Variants in PLTP observed in about 807,000 individuals in gnomAD.
PLTP encodes phospholipid transfer protein.
In PLTP, 43 loss-of-function variants were observed where a neutral mutation model predicts 54.1. That is an observed-to-expected ratio of 0.79 (90% CI 0.62 to 1.02). The LOEUF (loss-of-function observed/expected upper bound fraction) is 1.02, where lower values mean the gene tolerates loss of function less well. PLTP is among the 50% of genes least tolerant of loss of function. The probability of loss-of-function intolerance (pLI) is 0.00; values close to 1 mark genes in which losing one functional copy is unlikely to be tolerated. For synonymous variants in PLTP, 263 were observed against 264.6 expected (o/e 0.99, Z 0.06); for missense variants, 604 against 645.9 (o/e 0.94, Z 0.70).
rs774187977 is a variant in PLTP, at chr20:45,911,135, C to A, written c.200+17G>T. ...CGAGGCCCCGCCCCGGATCGCGAGG[C>A]CCCGCCCCCCACTTACTCAGAGATG... On this transcript the variant is annotated intron_variant, in intron 3 of 15. Transcript: ENST00000372431. 1 of 1,612,688 alleles carries A rather than the reference C, an allele frequency of 6.2e-7. No homozygotes were observed. Among genetic ancestry groups the A allele is most frequent in the Non-Finnish European group, 8.5e-7 (1 of 1,178,770 alleles).
intron 15 of PLTP, 139 bp from the exon 16 acceptor site, chr20:45,899,202 A>G (rs539830038): frequency 3.1e-6 from 4 of 1,297,834 alleles, no homozygotes; most frequent in East Asian, 2.3e-5. Context: ...ATGAGGCTGT[A>G]GGAGTGTAGA....
At chr20:45,904,704 C>G in intron 10 of PLTP, 96 bp downstream of exon 10, 1 of 1,114,028 alleles carries the variant, frequency 9.0e-7, no homozygotes, top group South Asian at 1.2e-5. Flanking sequence ...AGGCCAGGGC[C>G]CTGTCTGCGT....
At chr20:45,902,406 C>A in intron 11 of PLTP, 34 bp downstream of exon 11, 1 of 1,614,122 alleles carries the variant, frequency 6.2e-7, no homozygotes, top group South Asian at 1.1e-5. Flanking sequence ...TTTCCCTGAC[C>A]CCCAGCCAGC....
chr20:45,906,320 G>C lies in PLTP; in HGVS notation c.653C>G (p.Ser218Cys). Residue 218 changes from serine to cysteine, a missense_variant, in exon 8 of 16, where the codon TCC (serine) becomes TGC (cysteine). Physicochemically the swap from Ser to Cys is moderately radical, Grantham distance 112 (BLOSUM62 -1). Coordinates refer to ENST00000372431, the MANE Select transcript of PLTP (RefSeq NM_006227.4). The part of the protein sequence containing the change: ...SVDELVGIDY[S>C]LMKDPVASTS... ...GGAAGCCACAGGATCCTTCATGAGG[G>C]AATAGTCAATGCCAACAAGCTCGTC... The C allele has an allele frequency of 1.9e-6, 3 of 1,614,066 alleles. No individual in the cohort carries two copies. Among genetic ancestry groups the C allele is most frequent in the Non-Finnish European group, 2.5e-6 (3 of 1,179,962 alleles).
intron 3 of PLTP, among the ~76,000 whole-genome samples, 178 bp from the exon 4 acceptor site, chr20:45,910,248 G>C (rs2083277769): frequency 6.6e-6 from 1 of 152,150 alleles, no homozygotes. Context: ...AGTTGAACTT[G>C]GGTGGCTGAG....
chr20:45,910,616 G>GAA (rs546481587), intron 3 of PLTP, among the ~76,000 whole-genome samples: 3 of 102,410 alleles, frequency 2.9e-5, no homozygotes, highest in Non-Finnish European at 2.1e-5. Flanking sequence ...CTCCCTCTCA[G>GAA]AAAAAAAAAA....
intron 10 of PLTP, among the ~76,000 whole-genome samples, chr20:45,904,272 T>C (rs2083215761): frequency 2.0e-5 from 3 of 152,184 alleles, no homozygotes; most frequent in Admixed American, 1.3e-4. Flanking sequence ...AAGGACAGCC[T>C]GAGCAACATA....
At chr20:45,904,514 C>T (rs544321835) in intron 10 of PLTP, among the ~76,000 whole-genome samples, 1 of 152,296 alleles carries the variant, frequency 6.6e-6, no homozygotes, top group East Asian at 1.9e-4. Context: ...CCCCAATACA[C>T]AAATAAACAA....
Position 45,911,438 on chromosome 20 carries a change from C to T in PLTP, c.15G>A (p.Gly5=). 1.2e-6 allele frequency: 2 copies of T among 1,605,216 alleles called. No individual in the cohort carries two copies. Residue 5 remains glycine (G), a synonymous_variant, in exon 2 of 16, where the codon GGG becomes GGA. Transcript: ENST00000372431. MALF[G]ALFLALLAGA... The stretch of plus-strand genomic sequence containing the variant: ...CTGCCAGCAGCGCTAGGAAGAGGGC[C>T]CCGAAGAGGGCCATGGCGAGCGGGC...
chr20:45,910,077 G>A lies in PLTP; in HGVS notation c.201-7C>T. The A allele has an allele frequency of 1.2e-6, 2 of 1,613,710 alleles. No individual in the cohort carries two copies. Among genetic ancestry groups the A allele is most frequent in the Middle Eastern group, 1.6e-4 (1 of 6,062 alleles). ...CAGCTCTGTGACCTTCACCCTACAG[G>A]AGGCCTCAGGGTCAGATCCAGGGCC... On this transcript the variant is annotated splice_region_variant and splice_polypyrimidine_tract_variant and intron_variant, in intron 3 of 15. Transcript: ENST00000372431.
In PLTP at chr20:45,907,504, T is replaced by C. The variant is rs182076813; in HGVS notation, c.613+188A>G. Among the ~76,000 whole-genome samples the C allele has an allele frequency of 7.9e-5, 12 of 152,282 alleles. 1 individual carries two copies. In the South Asian group the frequency reaches 1.7e-3, roughly 21 times the overall value. ...TCACAGCAACCCCAGGAGGAGGCACTGCCAGCCAAGTGAGGAAACAAGCAC... is the reference window on the plus strand; with the variant it reads ...TCACAGCAACCCCAGGAGGAGGCACCGCCAGCCAAGTGAGGAAACAAGCAC... On this transcript the variant is annotated intron_variant, in intron 7 of 15. Coordinates refer to ENST00000372431, the MANE Select transcript of PLTP (RefSeq NM_006227.4).
At chr20:45,905,210 T>G in intron 8 of PLTP, 92 bp from the exon 9 acceptor site, 1 of 1,148,962 alleles carries the variant, frequency 8.7e-7, no homozygotes, top group Non-Finnish European at 1.3e-6. Flanking sequence ...CTAGGCACTG[T>G]GGGGGGATGG....
rs147994091 is a variant in PLTP at position 45,907,699 on chromosome 20, G to A, written c.606C>T (p.Thr202=). The A allele has an allele frequency of 3.3e-5, 54 of 1,613,582 alleles. No homozygotes were observed. The highest frequency in any genetic ancestry group is 8.0e-5 in the African/African-American group (6 of 74,918). Residue 202 remains threonine, a synonymous_variant, in exon 7 of 16, where the codon ACC becomes ACT. Coordinates refer to ENST00000372431, the MANE Select transcript of PLTP (RefSeq NM_006227.4). ...GTVLLNSLLD[T]VPVRSSVDEL... ...CACCCGCCACCAACTCACCAGGCAC[G>A]GTGTCCAGGAGGGAGTTGAGCAGGA...
Position 45,909,594 on chromosome 20 carries a change from G to T in PLTP, c.407C>A (p.Ala136Asp). The change falls in exon 5 of 16, where the codon GCT (alanine) becomes GAT (aspartate). Residue 136 changes from alanine (A) to aspartate (D), a missense_variant. Ala to Asp is a moderately radical substitution (Grantham distance 126). Coordinates refer to ENST00000372431, the MANE Select transcript of PLTP (RefSeq NM_006227.4). ...GACATTGGACACTTTCATCCGTCCA[G>T]CGGGATCCCGGGAGAGCTCCAGACC... ...RTGLELSRDP[A>D]GRMKVSNVSC... The T allele has an allele frequency of 6.2e-7, 1 of 1,614,180 alleles. No individual in the cohort carries two copies. Among genetic ancestry groups the T allele is most frequent in the South Asian group, 1.1e-5 (1 of 91,082 alleles).
intron 10 of PLTP, 43 bp downstream of exon 10, chr20:45,904,757 C>T: frequency 6.3e-7 from 1 of 1,597,466 alleles, no homozygotes; most frequent in Non-Finnish European, 8.6e-7. Flanking sequence ...CTTGGTCTCA[C>T]TGGTGTGCAG....
At chr20:45,902,378 A>G (rs1224800240) in intron 11 of PLTP, 44 bp from the exon 12 acceptor site, 1 of 1,613,910 alleles carries the variant, frequency 6.2e-7, no homozygotes. Context: ...CCAGAAGGTC[A>G]GTAACCCACA....
At position 45,899,445 on chromosome 20, in the gene PLTP, A is replaced by C; in HGVS notation, c.1359+17T>G. 1 of 1,613,568 alleles carries C rather than the reference A, an allele frequency of 6.2e-7. No individual in the cohort carries two copies. ...AGGGGAAGGCCCTCCCTCCTTCCCC[A>C]TCCTGCCCCCACTCACCGCATGGTT... is the stretch of plus-strand genomic sequence containing the variant. On this transcript the variant is annotated intron_variant, in intron 15 of 15. Coordinates refer to ENST00000372431, the MANE Select transcript of PLTP (RefSeq NM_006227.4).
chr20:45,905,944 A>C (rs1046858103), intron 8 of PLTP, among the ~76,000 whole-genome samples: 1 of 152,206 alleles, frequency 6.6e-6, no homozygotes, highest in Non-Finnish European at 1.5e-5. Context: ...ATAGAAATTT[A>C]TGTCCAGCTC....
chr20:45,900,811 G>A (rs547393099), intron 12 of PLTP, among the ~76,000 whole-genome samples: 66 of 152,324 alleles, frequency 4.3e-4, no homozygotes, highest in Middle Eastern at 3.4e-3. Flanking sequence ...TTACAGGTGT[G>A]AGCCACTGCA....
Sources: allele counts gnomAD v4.1 joint callset (sites outside exome capture counted in the v4.1 genomes callset), GRCh38; gene constraint gnomAD v4.1.1; transcripts MANE v1.5; gene names NCBI Gene and HGNC (gene_info 2026-07-23, HGNC 2026-07-21).